KCNMA1: variants seen among roughly 807,000 people sequenced by gnomAD.
KCNMA1 encodes potassium calcium-activated channel subfamily M alpha 1, also known as Calcium-activated potassium channel subunit alpha-1.
KCNMA1 carries 29 observed loss-of-function variants against 140.0 expected under a neutral mutation model. The observed-to-expected ratio is 0.21, with a 90% confidence interval of 0.15 to 0.28. KCNMA1 has a LOEUF of 0.28. KCNMA1 is among the 10% of genes least tolerant of loss of function. KCNMA1 has a pLI of 1.00. For synonymous variants in KCNMA1, 612 were observed against 611.9 expected, an observed-to-expected ratio of 1.00 and a Z score of 0.00; for missense variants, 880 against 1,602.2, an observed-to-expected ratio of 0.55 and a Z score of 7.70.
chr10:77,028,183 G>T (rs565667615), intron 15 of KCNMA1, among the ~76,000 whole-genome samples: 1 of 152,208 alleles, frequency 6.6e-6, no homozygotes, highest in East Asian at 1.9e-4. Flanking sequence ...ATTTACTCTG[G>T]GCCAGATTCA....
intron 2 of KCNMA1, among the ~76,000 whole-genome samples, chr10:77,282,850 A>G (rs1248769887): frequency 6.6e-6 from 1 of 152,210 alleles, no homozygotes; most frequent in East Asian, 1.9e-4. Flanking sequence ...TCTCTAAAAC[A>G]AACAATCAAA....
At chr10:76,917,418 C>T (rs930325862) in intron 23 of KCNMA1, among the ~76,000 whole-genome samples, 4 of 152,214 alleles carry the variant, frequency 2.6e-5, no homozygotes, top group Admixed American at 2.0e-4. Context: ...CAACAAGCCA[C>T]GGCATCCTTT....
At chr10:76,928,107 G>A (rs551403995) in intron 23 of KCNMA1, among the ~76,000 whole-genome samples, 1 of 152,220 alleles carries the variant, frequency 6.6e-6, no homozygotes, top group South Asian at 2.1e-4. Flanking sequence ...GAGATGGGAG[G>A]ACGGGAAAAT....
chr10:77,121,092 G>A, intron 5 of KCNMA1, 44 bp from the exon 6 acceptor site: 1 of 1,196,340 alleles, frequency 8.4e-7, no homozygotes, highest in Non-Finnish European at 1.2e-6. Flanking sequence ...TTCAATGTGT[G>A]ATTTTAATGT....
chr10:77,538,076 C>T lies in KCNMA1; in HGVS notation c.378+99189G>A, dbSNP rs1323542531. On this transcript the variant is annotated intron_variant, in intron 1 of 27. Coordinates refer to ENST00000286628, the MANE Select transcript of KCNMA1 (RefSeq NM_001161352.2). ...CATACTCTACACACACACTCACACA[C>T]ATCCACATACTCTCACATTCACATA... 6.6e-5 allele frequency among the ~76,000 whole-genome samples: 10 copies of T among 151,724 alleles called. No homozygotes were observed. In the South Asian group the frequency reaches 1.3e-3, roughly 19 times the overall value.
chr10:77,154,934 C>G (rs1481454119), intron 5 of KCNMA1, among the ~76,000 whole-genome samples: 2 of 152,202 alleles, frequency 1.3e-5, no homozygotes, highest in Non-Finnish European at 2.9e-5. Flanking sequence ...GCCACAGAGG[C>G]CTTTCTAATG....
chr10:77,593,551 C>T (rs2079877182), intron 1 of KCNMA1, among the ~76,000 whole-genome samples: 1 of 152,160 alleles, frequency 6.6e-6, no homozygotes, highest in Non-Finnish European at 1.5e-5. Flanking sequence ...ATAATAATGT[C>T]TTAAATTGCA....
Position 77,324,971 on chromosome 10 carries a change from C to CTCTCTCTCTCTGTGTGTGTG in KCNMA1, c.541-73716_541-73715insCACACACACAGAGAGAGAGA, listed in dbSNP as rs766240356. Among the ~76,000 whole-genome samples, 286 of 90,402 alleles carry CTCTCTCTCTCTGTGTGTGTG rather than the reference C, an allele frequency of 3.2e-3. 1 individual carries two copies. Among genetic ancestry groups the CTCTCTCTCTCTGTGTGTGTG allele is most frequent in the Non-Finnish European group, 4.9e-3 (228 of 46,662 alleles). The allele number at this position is 90,402 out of a possible 152,430, so 59.3% of individuals were successfully genotyped here. A position where few individuals can be genotyped will look rare whatever the true frequency, so the allele number is the denominator to read the frequency against. On this transcript the variant is annotated intron_variant, in intron 2 of 27. Transcript: ENST00000286628. Reference sequence around the variant, plus strand: ...TCTCTCTCTCTCTCTCTCTCTCTCTCTGTGTGTGTGTGTGTGTGTGTGTGT... The same window carrying CTCTCTCTCTCTGTGTGTGTG: ...TCTCTCTCTCTCTCTCTCTCTCTCTCTCTCTCTCTCTGTGTGTGTGTGTGTGTGTGTGTGTGTGTGTGTGT...
chr10:77,090,383 C>T lies in KCNMA1; in HGVS notation c.1334+17G>A, dbSNP rs746069286. On this transcript the variant is annotated intron_variant, in intron 10 of 27. Coordinates refer to ENST00000286628, the MANE Select transcript of KCNMA1 (RefSeq NM_001161352.2). ...TGTGGTTGGGCAGAGGGTCTGACAG[C>T]AGTAGGAAGCTCTTACTTGTGAAGA... 2.6e-6 allele frequency: 4 copies of T among 1,511,592 alleles called. No individual in the cohort carries two copies. The South Asian group carries it at 3.4e-5, about 13-fold the overall frequency. 93.6% of individuals were successfully genotyped at this position (1,511,592 alleles called of 1,614,324 possible).
chr10:77,314,921 C>A (rs1379434806), intron 2 of KCNMA1, among the ~76,000 whole-genome samples: 2 of 101,776 alleles, frequency 2.0e-5, no homozygotes, highest in Non-Finnish European at 3.7e-5. Flanking sequence ...CACCACACCC[C>A]CAACACACAC....
At position 77,215,677 on chromosome 10, in the gene KCNMA1, A is replaced by T. The variant is rs116943500; in HGVS notation, c.603-30761T>A. On this transcript the variant is annotated intron_variant, in intron 3 of 27. Coordinates refer to ENST00000286628, the MANE Select transcript of KCNMA1 (RefSeq NM_001161352.2). ...TTAAACATCGAGATACCATATCTTG[A>T]TGTGCTATGAACTGGATTGCATTCC... is the stretch of plus-strand genomic sequence containing the variant. Among the ~76,000 whole-genome samples, 143 of 152,250 alleles carry T rather than the reference A, an allele frequency of 9.4e-4. 1 individual carries two copies. In the East Asian group the frequency reaches 0.021, roughly 23 times the overall value.
intron 2 of KCNMA1, among the ~76,000 whole-genome samples, chr10:77,263,950 C>T (rs1394757225): frequency 2.0e-5 from 3 of 152,170 alleles, no homozygotes; most frequent in Non-Finnish European, 4.4e-5. Flanking sequence ...ATCTCTCCTT[C>T]CTGCCCTCAC....
intron 2 of KCNMA1, among the ~76,000 whole-genome samples, chr10:77,284,590 T>C (rs780697590): frequency 1.5e-4 from 23 of 152,086 alleles, no homozygotes; most frequent in Non-Finnish European, 7.4e-5. Context: ...CTCGACTCAC[T>C]GCAACCTCCA....
chr10:77,272,349 G>T (rs191153589), intron 2 of KCNMA1, among the ~76,000 whole-genome samples: 16 of 152,204 alleles, frequency 1.1e-4, no homozygotes, highest in African/African-American at 3.4e-4. Flanking sequence ...CCCCTTGCTT[G>T]ATATTCCAAA....
intron 2 of KCNMA1, among the ~76,000 whole-genome samples, chr10:77,393,028 C>T (rs2095889398): frequency 6.6e-6 from 1 of 152,224 alleles, no homozygotes; most frequent in Non-Finnish European, 1.5e-5. Context: ...CCCCAGCCAG[C>T]TCAGGGAGGC....
At chr10:77,464,501 A>G (rs1172798491) in intron 1 of KCNMA1, among the ~76,000 whole-genome samples, 1 of 152,166 alleles carries the variant, frequency 6.6e-6, no homozygotes, top group East Asian at 1.9e-4. Context: ...ATGGGGAAGC[A>G]GCGGGTCTGA....
intron 14 of KCNMA1, among the ~76,000 whole-genome samples, chr10:77,067,016 A>G (rs1176357321): frequency 1.3e-5 from 2 of 152,172 alleles, no homozygotes; most frequent in Non-Finnish European, 2.9e-5. Context: ...CCACCAGACA[A>G]TAAGAATTGC....
At chr10:76,978,667 T>C (rs1018782777) in intron 19 of KCNMA1, 1 of 152,152 alleles carries the variant, frequency 6.6e-6, no homozygotes, top group African/African-American at 2.4e-5. Context: ...TCTAAGACGG[T>C]TTATAATCAA....
At chr10:77,270,573 G>C (rs1169408964) in intron 2 of KCNMA1, among the ~76,000 whole-genome samples, 4 of 149,266 alleles carry the variant, frequency 2.7e-5, no homozygotes, top group African/African-American at 9.9e-5. Context: ...CCAGGCTAGA[G>C]TGCGGTAGTG....
Sources: allele counts gnomAD v4.1 joint callset (sites outside exome capture counted in the v4.1 genomes callset), GRCh38; gene constraint gnomAD v4.1.1; transcripts MANE v1.5; gene names NCBI Gene and HGNC (gene_info 2026-07-23, HGNC 2026-07-21).